The following ANK3 variants were observed in gnomAD, a reference collection of about 807,000 sequenced individuals.
ANK3 encodes ankyrin 3, also known as ankyrin-3.
Under a neutral mutation model 370.9 loss-of-function variants are expected in ANK3, and 57 were observed. That is an observed-to-expected ratio of 0.15 (90% CI 0.12 to 0.19). The LOEUF (loss-of-function observed/expected upper bound fraction) is 0.19. ANK3 is among the 10% of genes least tolerant of loss of function. ANK3 has a pLI of 1.00. For missense variants in ANK3, 4,439 were observed against 5,302.1 expected (o/e 0.84, Z 5.06); for synonymous variants, 1,929 against 1,946.3 (o/e 0.99, Z 0.23).
intron 9 of ANK3, among the ~76,000 whole-genome samples, chr10:60,211,968 T>A (rs1480357848): frequency 7.2e-6 from 1 of 138,058 alleles, no homozygotes; most frequent in Non-Finnish European, 1.6e-5. Flanking sequence ...AAAAACTAAA[T>A]TAAAAGAAAA....
intron 1 of ANK3, among the ~76,000 whole-genome samples, chr10:60,353,004 G>A (rs1027116245): frequency 4.6e-5 from 7 of 152,100 alleles, no homozygotes; most frequent in South Asian, 2.1e-4. Context: ...CTTTTGTTGA[G>A]ACAGGGTCTC....
chr10:60,325,278 C>A (rs1386796602), intron 1 of ANK3, among the ~76,000 whole-genome samples: 1 of 152,190 alleles, frequency 6.6e-6, no homozygotes, highest in Non-Finnish European at 1.5e-5. Flanking sequence ...TGAATACTTC[C>A]CTATACATGG....
At chr10:60,454,253 G>A (rs981435984) in intron 2 of ANK3, among the ~76,000 whole-genome samples, 4 of 152,058 alleles carry the variant, frequency 2.6e-5, no homozygotes, top group Admixed American at 1.3e-4. Context: ...TGTCTTCCTC[G>A]ACATTAAAAT....
chr10:60,661,409 G>A (rs376991874), intron 1 of ANK3, among the ~76,000 whole-genome samples: 5 of 152,002 alleles, frequency 3.3e-5, no homozygotes, highest in Middle Eastern at 3.4e-3. Context: ...AATGCCCTTC[G>A]GGGAGTCCTT....
chr10:60,284,053 T>C (rs2098206064), intron 1 of ANK3, among the ~76,000 whole-genome samples: 1 of 152,110 alleles, frequency 6.6e-6, no homozygotes, highest in African/African-American at 2.4e-5. Context: ...TTAGTTAAGA[T>C]GAGGTCACAC....
At chr10:60,621,176 T>C (rs1233853882) in intron 1 of ANK3, among the ~76,000 whole-genome samples, 1 of 152,154 alleles carries the variant, frequency 6.6e-6, no homozygotes, top group Non-Finnish European at 1.5e-5. Flanking sequence ...TGCAATGCAA[T>C]GCAATGCAAT....
intron 2 of ANK3, among the ~76,000 whole-genome samples, chr10:60,492,314 C>G (rs2075528840): frequency 6.6e-6 from 1 of 152,152 alleles, no homozygotes; most frequent in Non-Finnish European, 1.5e-5. Context: ...CCTCAGTTCT[C>G]CTGGCAGAGT....
At chr10:60,340,240 T>C (rs2053942145) in intron 1 of ANK3, among the ~76,000 whole-genome samples, 2 of 152,150 alleles carry the variant, frequency 1.3e-5, no homozygotes, top group African/African-American at 4.8e-5. Context: ...TGAGAACCAC[T>C]GGTCTAAGTA....
chr10:60,317,906 C>T (rs999408408), intron 1 of ANK3, among the ~76,000 whole-genome samples: 18 of 151,668 alleles, frequency 1.2e-4, no homozygotes, highest in African/African-American at 2.9e-4. Context: ...TTAGTAGAGA[C>T]GGGGTTTCAC....
chr10:60,446,531 G>A (rs559626516), intron 2 of ANK3, among the ~76,000 whole-genome samples: 1 of 152,196 alleles, frequency 6.6e-6, no homozygotes, highest in African/African-American at 2.4e-5. Context: ...TCTTCTTTGG[G>A]TTCAAAGACA....
intron 23 of ANK3, among the ~76,000 whole-genome samples, chr10:60,158,038 C>CA (rs1340363511): frequency 2.6e-5 from 4 of 151,362 alleles, no homozygotes; most frequent in Admixed American, 2.0e-4. Context: ...ATAAGAAAAC[C>CA]AAAAAACAAG....
chr10:60,248,428 T>C (rs772513746), intron 7 of ANK3, among the ~76,000 whole-genome samples: 18 of 152,116 alleles, frequency 1.2e-4, no homozygotes, highest in Non-Finnish European at 1.8e-4. Context: ...CATTTCAGAG[T>C]TTCCATAATT....
At chr10:60,608,963 A>AT (rs1166235505) in intron 2 of ANK3, among the ~76,000 whole-genome samples, 8 of 152,044 alleles carry the variant, frequency 5.3e-5, no homozygotes, top group Admixed American at 4.6e-4. Context: ...ATACTTTAAC[A>AT]TTTTTTTAAG....
At chr10:60,478,873 G>T (rs990487420) in intron 2 of ANK3, among the ~76,000 whole-genome samples, 2 of 151,980 alleles carry the variant, frequency 1.3e-5, no homozygotes, top group Admixed American at 6.6e-5. Context: ...AACCATAAGG[G>T]TTATTATGAA....
At chr10:60,497,616 G>A (rs115562922) in intron 2 of ANK3, among the ~76,000 whole-genome samples, 2,535 of 152,202 alleles carry the variant, frequency 0.017, 82 homozygotes, top group African/African-American at 0.058. Context: ...TGCCTCTCAA[G>A]ATTCTTATAA....
intron 1 of ANK3, among the ~76,000 whole-genome samples, chr10:60,619,262 C>T (rs1325099330): frequency 2.6e-5 from 4 of 152,020 alleles, no homozygotes; most frequent in East Asian, 1.9e-4. Flanking sequence ...TTGAAAAACA[C>T]ACCCACACCC....
chr10:60,445,816 T>C (rs1364859498), intron 2 of ANK3, among the ~76,000 whole-genome samples: 2 of 152,324 alleles, frequency 1.3e-5, no homozygotes, highest in East Asian at 1.9e-4. Flanking sequence ...TTCCCAGGCC[T>C]GTTACCAGCA....
chr10:60,688,246 A>C (rs1564555634), intron 1 of ANK3, among the ~76,000 whole-genome samples: 1 of 151,942 alleles, frequency 6.6e-6, no homozygotes, highest in East Asian at 1.9e-4. Context: ...TTTGTATTTT[A>C]GTAGAGACAG....
intron 1 of ANK3, among the ~76,000 whole-genome samples, chr10:60,340,387 T>A (rs566105899): frequency 6.6e-6 from 1 of 152,114 alleles, no homozygotes; most frequent in Non-Finnish European, 1.5e-5. Context: ...GTTGTATATA[T>A]CCAGGGCCAG....
Sources: gnomAD v4.1 joint callset for allele counts (sites outside exome capture counted in the v4.1 genomes callset) on GRCh38, gnomAD v4.1.1 for gene constraint, MANE v1.5 for transcripts, NCBI Gene and HGNC (gene_info 2026-07-23, HGNC 2026-07-21) for gene names.